MS4A14: variants seen among roughly 807,000 people sequenced by gnomAD.
MS4A14 encodes membrane-spanning 4-domains subfamily A member 14.
MS4A14 carries 18 observed loss-of-function variants against 16.7 expected under a neutral mutation model. The ratio of observed to expected loss-of-function variants is 1.08; its 90% CI spans 0.75 to 1.60. MS4A14 has a LOEUF of 1.60. Ranked by LOEUF, MS4A14 falls within the 40% of genes most tolerant of loss-of-function variation. The pLI is 0.00. For missense variants in MS4A14, 812 were observed against 775.3 expected, an observed-to-expected ratio of 1.05 and a Z score of -0.56; for synonymous variants, 305 against 289.4, an observed-to-expected ratio of 1.05 and a Z score of -0.55.
chr11:60,404,737 T>C, intron 4 of MS4A14: 1 of 396,492 alleles, frequency 2.5e-6, no homozygotes, highest in Non-Finnish European at 5.0e-6. Context: ...AGGAAGTTCT[T>C]CCTGACCTCA....
At chr11:60,413,369 A>T (rs560320225) in intron 4 of MS4A14, among the ~76,000 whole-genome samples, 75 of 80,660 alleles carry the variant, frequency 9.3e-4, no homozygotes, top group African/African-American at 2.8e-3. Flanking sequence ...AAAATAAGTG[A>T]TGAAAATAGC....
chr11:60,417,214 T>C lies in MS4A14; in HGVS notation c.*206T>C. 2 of 570,362 alleles carry C rather than the reference T, an allele frequency of 3.5e-6. No individual in the cohort carries two copies. The highest frequency in any genetic ancestry group is 5.9e-6 in the Non-Finnish European group (2 of 340,870). 35.3% of individuals were successfully genotyped at this position (570,362 alleles called of 1,614,324 possible). ...ACCAACAAGACCTTCAATCCAGAGT[T>C]ACACAAAAAGGAGATATGTACACTA... On this transcript the variant is annotated 3_prime_UTR_variant, in exon 5 of 5. Transcript: ENST00000300187.
At chr11:60,404,565 C>T (rs746857225) in intron 4 of MS4A14, 15 of 456,846 alleles carry the variant, frequency 3.3e-5, no homozygotes, top group Non-Finnish European at 5.7e-5. Context: ...CTTCTCACTC[C>T]TCCACACTCC....
At position 60,410,938 on chromosome 11, in the gene MS4A14, C is replaced by T. The variant is rs1033057084; in HGVS notation, c.469-4499C>T. Among the ~76,000 whole-genome samples, 6 of 152,124 alleles carry T rather than the reference C, an allele frequency of 3.9e-5. 1 individual carries two copies. The highest frequency in any genetic ancestry group is 4.2e-4 in the South Asian group (2 of 4,812). On this transcript the variant is annotated intron_variant, in intron 4 of 4. Coordinates refer to ENST00000300187, the MANE Select transcript of MS4A14 (RefSeq NM_032597.5). ...TCAGCTCACTGCAAACTCTGCCTCC[C>T]GGGTTCAAGCAATTCTTCTGCCTCG...
At chr11:60,406,116 AATTTAGG>A in intron 4 of MS4A14, 2 of 614,218 alleles carry the variant, frequency 3.3e-6, no homozygotes, top group Non-Finnish European at 5.2e-6. Context: ...AAAACATCTA[AATTTAGG>A]AAGGTCAGAG....
intron 4 of MS4A14, chr11:60,404,513 C>G (rs772786136): frequency 2.2e-6 from 1 of 456,636 alleles, no homozygotes; most frequent in South Asian, 1.6e-5. Flanking sequence ...CCCTGTAACA[C>G]CTATCCTACC....
rs2085652581 is a variant in MS4A14 at position 60,397,893 on chromosome 11, A to G, written c.180A>G (p.Gly60=). ...ILLALIIVGF[G]TIFALNYIGF... ...TTGCTCTAATCATTGTGGGCTTTGG[A>G]ACTATATTTGCACTTAATTACATCG... The change falls in exon 2 of 5, where the codon GGA becomes GGG. Residue 60 remains glycine (G), a synonymous_variant. Coordinates refer to ENST00000300187, the MANE Select transcript of MS4A14 (RefSeq NM_032597.5). 1.9e-6 allele frequency: 3 copies of G among 1,613,144 alleles called. No individual in the cohort carries two copies. The highest frequency in any genetic ancestry group is 2.7e-5 in the African/African-American group (2 of 74,856).
chr11:60,404,534 A>G (rs571156031), intron 4 of MS4A14: 18 of 456,916 alleles, frequency 3.9e-5, no homozygotes, highest in South Asian at 2.2e-4. Context: ...TATCTTTCCA[A>G]CATTATTCCA....
At chr11:60,404,698 T>G (rs1298895719) in intron 4 of MS4A14, 1 of 425,132 alleles carries the variant, frequency 2.4e-6, no homozygotes, top group Non-Finnish European at 4.7e-6. Flanking sequence ...TCCTCATACT[T>G]AAATCTCAAC....
At chr11:60,403,828 G>A (rs913345313) in intron 4 of MS4A14, among the ~76,000 whole-genome samples, 7 of 152,242 alleles carry the variant, frequency 4.6e-5, no homozygotes, top group East Asian at 1.9e-4. Flanking sequence ...ATTTGAATCC[G>A]TTAGAAGGGA....
chr11:60,397,785 G>C, intron 1 of MS4A14, 67 bp from the exon 2 acceptor site: 1 of 1,547,864 alleles, frequency 6.5e-7, no homozygotes, highest in Non-Finnish European at 8.8e-7. Context: ...CACACCCTGA[G>C]GGACGTGGGG....
intron 2 of MS4A14, among the ~76,000 whole-genome samples, chr11:60,399,242 C>T (rs879223678): frequency 5.3e-5 from 8 of 152,092 alleles, no homozygotes; most frequent in African/African-American, 1.4e-4. Flanking sequence ...GTTCCAGGTG[C>T]GATGTGAGGG....
At chr11:60,409,203 T>C (rs1379155844) in intron 4 of MS4A14, among the ~76,000 whole-genome samples, 1 of 152,192 alleles carries the variant, frequency 6.6e-6, no homozygotes, top group Non-Finnish European at 1.5e-5. Context: ...ACGTTGTAAT[T>C]TGCTATAGTC....
chr11:60,413,451 G>A (rs1181824525), intron 4 of MS4A14, among the ~76,000 whole-genome samples: 1 of 151,646 alleles, frequency 6.6e-6, no homozygotes, highest in Non-Finnish European at 1.5e-5. Flanking sequence ...GTTTTTTGTA[G>A]GTTTTTTACA....
Position 60,411,338 on chromosome 11 carries a change from T to C in MS4A14, c.469-4099T>C, listed in dbSNP as rs533495431. Reference sequence around the variant, plus strand: ...GAATTTTGATAGAAATTGTATTGAATCTGTATATTGCTTTGAGCAGCACTG... The same window carrying C: ...GAATTTTGATAGAAATTGTATTGAACCTGTATATTGCTTTGAGCAGCACTG... On this transcript the variant is annotated intron_variant, in intron 4 of 4. Transcript: ENST00000300187. Among the ~76,000 whole-genome samples the C allele has an allele frequency of 2.6e-5, 4 of 152,342 alleles. No individual in the cohort carries two copies. In the South Asian group the frequency reaches 8.3e-4, roughly 32 times the overall value.
chr11:60,398,696 A>G (rs1450775511), intron 2 of MS4A14, among the ~76,000 whole-genome samples: 1 of 152,198 alleles, frequency 6.6e-6, no homozygotes, highest in African/African-American at 2.4e-5. Context: ...CAATCAACAA[A>G]TAGGTGAAAT....
chr11:60,415,332 T>C, intron 4 of MS4A14, 105 bp from the exon 5 acceptor site: 1 of 1,237,906 alleles, frequency 8.1e-7, no homozygotes, highest in Non-Finnish European at 1.1e-6. Flanking sequence ...TAGATGTTAT[T>C]TCCTATCTAC....
Position 60,405,296 on chromosome 11 carries a change from C to T in MS4A14, c.468+2235C>T, listed in dbSNP as rs368011654. Among the ~76,000 whole-genome samples the T allele has an allele frequency of 3.9e-3, 596 of 152,226 alleles. 1 individual carries two copies. Among genetic ancestry groups the T allele is most frequent in the African/African-American group, 0.014 (568 of 41,536 alleles). On this transcript the variant is annotated intron_variant, in intron 4 of 4. Coordinates refer to ENST00000300187, the MANE Select transcript of MS4A14 (RefSeq NM_032597.5). ...GTTTCTCCATGTTGGTCAGGCTGGT[C>T]GCAAACTCCCAACCTCAGTTAATCC...
In MS4A14 at chr11:60,416,033, G is replaced by A. The variant is rs760211879; in HGVS notation, c.1065G>A (p.Leu355=). 6.2e-7 allele frequency: 1 copy of A among 1,613,622 alleles called. No homozygotes were observed. Among genetic ancestry groups the A allele is most frequent in the South Asian group, 1.1e-5 (1 of 91,050 alleles). The part of the protein sequence containing the change: ...KQSSNLTAND[L]PPQGILSQDT... ...CTTCTAATCTGACAGCTAATGACCT[G>A]CCCCCTCAAGGCATACTATCCCAAG... Residue 355 remains leucine, a synonymous_variant, in exon 5 of 5, where the codon CTG becomes CTA. Transcript: ENST00000300187.
Sources: allele counts gnomAD v4.1 joint callset (sites outside exome capture counted in the v4.1 genomes callset), GRCh38; gene constraint gnomAD v4.1.1; transcripts MANE v1.5; gene names NCBI Gene and HGNC (gene_info 2026-07-23, HGNC 2026-07-21).